TAFA2: variants seen among roughly 807,000 people sequenced by gnomAD.
TAFA2 encodes the protein TAFA chemokine like family member 2.
Under a neutral mutation model 18.8 loss-of-function variants are expected in TAFA2, and 7 were observed. The observed-to-expected ratio is 0.37, with a 90% confidence interval of 0.21 to 0.70. The LOEUF is 0.70. TAFA2 is among the 30% of genes least tolerant of loss of function. TAFA2 has a pLI of 0.53. For missense variants in TAFA2, 122 were observed against 158.1 expected (o/e 0.77, Z 1.23); for synonymous variants, 60 against 54.2 (o/e 1.11, Z -0.47).
At chr12:62,039,530 A>G (rs1046215641) in intron 1 of TAFA2, among the ~76,000 whole-genome samples, 1 of 152,158 alleles carries the variant, frequency 6.6e-6, no homozygotes, top group African/African-American at 2.4e-5. Context: ...GGCATTAAGC[A>G]ATGTTGAGAG....
intron 2 of TAFA2, among the ~76,000 whole-genome samples, chr12:61,817,194 G>T (rs1872121875): frequency 6.6e-6 from 1 of 152,040 alleles, no homozygotes; most frequent in African/African-American, 2.4e-5. Context: ...AGACAAGATT[G>T]TTAAACCTAC....
rs868564780 is a variant in TAFA2 at position 61,938,830 on chromosome 12, T to C, written c.-1-71404A>G. ...AAGGCAAAACCAAATACCTTATGCT[T>C]ACACTTATAAGTGGGAGCTCAGCTT... On this transcript the variant is annotated intron_variant, in intron 1 of 4. Transcript: ENST00000416284. 3.3e-5 allele frequency among the ~76,000 whole-genome samples: 5 copies of C among 152,064 alleles called. No homozygotes were observed. The South Asian group carries it at 6.2e-4, about 19-fold the overall frequency.
At chr12:62,108,849 A>G (rs1257024327) in intron 1 of TAFA2, among the ~76,000 whole-genome samples, 3 of 150,946 alleles carry the variant, frequency 2.0e-5, no homozygotes, top group Non-Finnish European at 4.5e-5. Flanking sequence ...TTTCTTCTAA[A>G]TTTAAGTTCC....
chr12:61,939,676 G>A (rs867872895), intron 1 of TAFA2, among the ~76,000 whole-genome samples: 5 of 152,308 alleles, frequency 3.3e-5, no homozygotes, highest in Middle Eastern at 3.4e-3. Context: ...CATAAAATAT[G>A]TAATGTTATT....
Position 61,788,901 on chromosome 12 carries a change from GT to G in TAFA2, c.107-33878del, listed in dbSNP as rs1267801596. Among the ~76,000 whole-genome samples, 9 of 151,576 alleles carry G rather than the reference GT, an allele frequency of 5.9e-5. No individual in the cohort carries two copies. The South Asian group carries it at 6.2e-4, about 10-fold the overall frequency. On this transcript the variant is annotated intron_variant, in intron 2 of 4. Transcript: ENST00000416284. ...ATAACTGAATCTATCAGTACTAAAA[GT>G]TTTTTTCTATTAACAAAAGCCATAT...
chr12:61,717,323 G>A (rs1869705242), intron 4 of TAFA2, among the ~76,000 whole-genome samples: 1 of 152,168 alleles, frequency 6.6e-6, no homozygotes, highest in Admixed American at 6.5e-5. Context: ...CAACTTTCAG[G>A]TAAGGTAAGG....
chr12:62,172,991 C>G (rs1435142738), intron 1 of TAFA2, among the ~76,000 whole-genome samples: 1 of 152,150 alleles, frequency 6.6e-6, no homozygotes, highest in Non-Finnish European at 1.5e-5. Context: ...ATCCCTTAGG[C>G]TTGGGTCTTT....
At chr12:61,733,741 G>C (rs1263978575) in intron 4 of TAFA2, among the ~76,000 whole-genome samples, 1 of 151,870 alleles carries the variant, frequency 6.6e-6, no homozygotes, top group Non-Finnish European at 1.5e-5. Flanking sequence ...GCTTAGGATT[G>C]ACTTGGCGAT....
chr12:62,257,154 AC>A (rs886696150), intron 1 of TAFA2, among the ~76,000 whole-genome samples: 57 of 4,174 alleles, frequency 0.014, no homozygotes, highest in Middle Eastern at 0.1. Flanking sequence ...ATATATATAT[AC>A]ATATATATGT....
At chr12:62,066,611 T>G (rs1259080538) in intron 1 of TAFA2, among the ~76,000 whole-genome samples, 2 of 152,094 alleles carry the variant, frequency 1.3e-5, no homozygotes, top group South Asian at 2.1e-4. Flanking sequence ...CATAATGACT[T>G]CCAGTTCCAT....
Position 61,911,803 on chromosome 12 carries a change from C to T in TAFA2, c.-1-44377G>A, listed in dbSNP as rs548278710. On this transcript the variant is annotated intron_variant, in intron 1 of 4. Transcript: ENST00000416284. ...AGGAGCTTGAGAAGGTGAAACATCA[C>T]AGTAATAGCCAGGAAACAAGAATCA... Among the ~76,000 whole-genome samples, 14 of 152,156 alleles carry T rather than the reference C, an allele frequency of 9.2e-5. No individual in the cohort carries two copies. In the South Asian group the frequency reaches 2.7e-3, roughly 29 times the overall value.
chr12:61,752,998 G>A (rs1179870751), intron 4 of TAFA2, among the ~76,000 whole-genome samples: 2 of 151,814 alleles, frequency 1.3e-5, no homozygotes, highest in African/African-American at 4.8e-5. Context: ...AAAGAACAAA[G>A]CTATTTTTCA....
At chr12:61,760,054 GC>G (rs1383638289) in intron 2 of TAFA2, among the ~76,000 whole-genome samples, 7 of 146,498 alleles carry the variant, frequency 4.8e-5, no homozygotes, top group Non-Finnish European at 7.4e-5. Flanking sequence ...CCTGATAGAT[GC>G]AGGGCTTTCC....
intron 1 of TAFA2, among the ~76,000 whole-genome samples, chr12:61,948,441 G>T (rs1362143724): frequency 1.3e-5 from 2 of 152,202 alleles, no homozygotes; most frequent in East Asian, 1.9e-4. Flanking sequence ...GTTCATAGAA[G>T]TATATGAGAG....
At chr12:61,966,316 A>G (rs755113899) in intron 1 of TAFA2, among the ~76,000 whole-genome samples, 11 of 152,040 alleles carry the variant, frequency 7.2e-5, no homozygotes, top group Non-Finnish European at 1.5e-4. Flanking sequence ...ATCTACTTGC[A>G]AGATGGCACC....
At chr12:62,211,559 G>A (rs989793722) in intron 1 of TAFA2, among the ~76,000 whole-genome samples, 1 of 143,386 alleles carries the variant, frequency 7.0e-6, no homozygotes, top group Non-Finnish European at 1.5e-5. Context: ...CAGCCTGGGT[G>A]ACAGAGCGAG....
intron 4 of TAFA2, among the ~76,000 whole-genome samples, chr12:61,737,051 A>G (rs754979971): frequency 1.3e-5 from 2 of 151,932 alleles, no homozygotes; most frequent in Non-Finnish European, 2.9e-5. Context: ...ATTGTAGTCC[A>G]GGGTCCTGAA....
At chr12:61,853,374 G>A (rs1284825678) in intron 2 of TAFA2, among the ~76,000 whole-genome samples, 1 of 152,098 alleles carries the variant, frequency 6.6e-6, no homozygotes, top group Non-Finnish European at 1.5e-5. Context: ...AAATAAGACA[G>A]AGAGTGACAA....
intron 1 of TAFA2, among the ~76,000 whole-genome samples, chr12:62,240,331 A>G (rs779782845): frequency 3.9e-5 from 6 of 151,954 alleles, no homozygotes; most frequent in Non-Finnish European, 8.8e-5. Flanking sequence ...AGGCAGGAGA[A>G]TCTCTTAAAC....
Sources: gnomAD v4.1 joint callset for allele counts (sites outside exome capture counted in the v4.1 genomes callset) on GRCh38, gnomAD v4.1.1 for gene constraint, MANE v1.5 for transcripts, NCBI Gene and HGNC (gene_info 2026-07-23, HGNC 2026-07-21) for gene names.